TMPRSS5: variants seen among roughly 807,000 people sequenced by gnomAD.
The protein encoded by TMPRSS5 is transmembrane serine protease 5.
TMPRSS5 carries 45 observed loss-of-function variants against 59.7 expected under a neutral mutation model. The ratio of observed to expected loss-of-function variants is 0.75; its 90% CI spans 0.59 to 0.97. TMPRSS5 has a LOEUF of 0.97. Ranked by LOEUF, TMPRSS5 falls within the 50% of genes least tolerant of loss-of-function variation. TMPRSS5 has a pLI of 0.00. For missense variants in TMPRSS5, 585 were observed against 596.7 expected (o/e 0.98, Z 0.20); for synonymous variants, 225 against 232.0 (o/e 0.97, Z 0.27).
chr11:113,690,862 C>T lies in TMPRSS5; in HGVS notation c.1042G>A (p.Gly348Ser). 1.9e-6 allele frequency: 3 copies of T among 1,592,316 alleles called. No homozygotes were observed. Among genetic ancestry groups the T allele is most frequent in the Non-Finnish European group, 2.6e-6 (3 of 1,170,392 alleles). Reference sequence around the variant, plus strand: ...TCACTATGGCTAGGGTGGGTGTGGCCCCAGCCAGACACCCAGCACCGCGAG... The same window carrying T: ...TCACTATGGCTAGGGTGGGTGTGGCTCCAGCCAGACACCCAGCACCGCGAG... ...KGSRCWVSGW[G>S]HTHPSHTYSS... The change falls in exon 10 of 13, where the codon GGC becomes AGC. Residue 348 changes from glycine to serine, a missense_variant. Transcript: ENST00000299882.
chr11:113,699,272 C>CCCCCCCCCTCTCTCTCTCCCT (rs1565263847), intron 3 of TMPRSS5, among the ~76,000 whole-genome samples: 2 of 24,058 alleles, frequency 8.3e-5, no homozygotes, highest in African/African-American at 2.0e-4. Context: ...TCTCTCTCTC[C>CCCCCCCCCTCTCTCTCTCCCT]CTCTCTCTCT....
intron 4 of TMPRSS5, among the ~76,000 whole-genome samples, chr11:113,698,124 C>T (rs1952981445): frequency 6.6e-6 from 1 of 152,156 alleles, no homozygotes; most frequent in Admixed American, 6.5e-5. Context: ...CATCTACAAT[C>T]CAGGAAAAGA....
chr11:113,700,716 G>T (rs1197446479), intron 1 of TMPRSS5, among the ~76,000 whole-genome samples: 1 of 152,180 alleles, frequency 6.6e-6, no homozygotes, highest in Non-Finnish European at 1.5e-5. Context: ...CCTGTAGTCT[G>T]GTCCTGAAGA....
intron 4 of TMPRSS5, among the ~76,000 whole-genome samples, chr11:113,698,021 G>C (rs1952978703): frequency 6.6e-6 from 1 of 152,136 alleles, no homozygotes; most frequent in African/African-American, 2.4e-5. Flanking sequence ...AATAGAGCCA[G>C]TGTCCTTATA....
Position 113,688,274 on chromosome 11 carries a change from C to A in TMPRSS5, c.1360G>T (p.Asp454Tyr). 1 of 1,577,526 alleles carries A rather than the reference C, an allele frequency of 6.3e-7. No homozygotes were observed. Among genetic ancestry groups the A allele is most frequent in the East Asian group, 2.3e-5 (1 of 43,004 alleles). Residue 454 changes from aspartate to tyrosine, a missense_variant and splice_region_variant, in exon 13 of 13, where the codon GAC (aspartate) becomes TAC (tyrosine). By Grantham distance (160) the Asp-to-Tyr change is radical. Coordinates refer to ENST00000299882, the MANE Select transcript of TMPRSS5 (RefSeq NM_030770.4). ...AACAGCAGGACTCAGAGGAGGGAGT[C>A]CTAGACCAAAAGGGAAAGGAACTGA... ...FLDWIHDTAQ[D>Y]SLL
intron 6 of TMPRSS5, among the ~76,000 whole-genome samples, chr11:113,696,298 G>A (rs1565260627): frequency 6.6e-6 from 1 of 152,152 alleles, no homozygotes; most frequent in African/African-American, 2.4e-5. Context: ...GACCCTCTCC[G>A]CTTGTGCCCC....
At chr11:113,701,461 C>T (rs1224530726) in intron 1 of TMPRSS5, among the ~76,000 whole-genome samples, 1 of 147,238 alleles carries the variant, frequency 6.8e-6, no homozygotes, top group Non-Finnish European at 1.5e-5. Flanking sequence ...CCCTAGAGAT[C>T]TGTGGAACTT....
chr11:113,694,361 C>G, intron 8 of TMPRSS5, 117 bp downstream of exon 8: 1 of 1,091,338 alleles, frequency 9.2e-7, no homozygotes, highest in Non-Finnish European at 1.3e-6. Context: ...CCAGTCTTAC[C>G]CTTTTGGAGC....
chr11:113,689,851 A>T lies in TMPRSS5; in HGVS notation c.1273T>A (p.Trp425Arg), dbSNP rs1332568425. ...TTGGGCTCTGCGCAGCCACGCCCCC[A>T]GCTGACCACCCCCACTAGGCGCCAT... ...DTWRLVGVVS[W>R]GRGCAEPNHP... The change falls in exon 12 of 13, where the codon TGG (tryptophan) becomes AGG (arginine). Residue 425 changes from tryptophan (W) to arginine (R), a missense_variant. Physicochemically the swap from Trp to Arg is moderately radical, Grantham distance 101 (BLOSUM62 -3). Coordinates refer to ENST00000299882, the MANE Select transcript of TMPRSS5 (RefSeq NM_030770.4). 6.3e-7 allele frequency: 1 copy of T among 1,589,474 alleles called. No homozygotes were observed. The highest frequency in any genetic ancestry group is 8.6e-7 in the Non-Finnish European group (1 of 1,168,202).
At chr11:113,693,321 G>C in intron 8 of TMPRSS5, 72 bp from the exon 9 acceptor site, 1 of 1,429,928 alleles carries the variant, frequency 7.0e-7, no homozygotes. Flanking sequence ...GTAGCAGGTG[G>C]AGGAAGCTGG....
intron 1 of TMPRSS5, among the ~76,000 whole-genome samples, chr11:113,701,493 G>GGA (rs1421958470): frequency 6.6e-6 from 1 of 151,398 alleles, no homozygotes; most frequent in African/African-American, 2.4e-5. Context: ...TTTTGGCGGG[G>GGA]GGGGGTGTTT....
In TMPRSS5 at chr11:113,695,406, A is replaced by T. The variant is rs376152884; in HGVS notation, c.616T>A (p.Cys206Ser). The T allele has an allele frequency of 2.5e-6, 4 of 1,613,856 alleles. No individual in the cohort carries two copies. Among genetic ancestry groups the T allele is most frequent in the African/African-American group, 1.3e-5 (1 of 74,928 alleles). The change falls in exon 7 of 13, where the codon TGC becomes AGC. Residue 206 changes from cysteine (C) to serine (S), a missense_variant. By Grantham distance (112) the Cys-to-Ser change is moderately radical. Coordinates refer to ENST00000299882, the MANE Select transcript of TMPRSS5 (RefSeq NM_030770.4). ...AGACCAAGATATGACTCACCAGAGC[A>T]TCTGAGGGAAACAACTTGACCAGAA... ...CTSGQVVSLR[C>S]SECGARPLAS...
intron 10 of TMPRSS5, 73 bp downstream of exon 10, chr11:113,690,767 TG>T: frequency 1.5e-6 from 2 of 1,348,600 alleles, no homozygotes; most frequent in Non-Finnish European, 1.0e-6. Context: ...CCAGGGGATG[TG>T]GCCTTGCCTC....
At chr11:113,699,223 C>G (rs916899477) in intron 3 of TMPRSS5, among the ~76,000 whole-genome samples, 196 bp from the exon 4 acceptor site, 21 of 39,218 alleles carry the variant, frequency 5.4e-4, no homozygotes, top group African/African-American at 2.7e-3. Context: ...CTCTCTCTCT[C>G]TCTCTCTCTC....
chr11:113,689,839 A>G lies in TMPRSS5; in HGVS notation c.1285T>C (p.Cys429Arg), dbSNP rs1021518422. The change falls in exon 12 of 13, where the codon TGC (cysteine) becomes CGC (arginine). Residue 429 changes from cysteine (C) to arginine (R), a missense_variant. Cys to Arg is a radical substitution (Grantham distance 180). Transcript: ENST00000299882. ...LVGVVSWGRG[C>R]AEPNHPGVYA... ...ACACCTGGGTGATTGGGCTCTGCGC[A>G]GCCACGCCCCCAGCTGACCACCCCC... is the stretch of plus-strand genomic sequence containing the variant. The G allele has an allele frequency of 3.8e-6, 6 of 1,596,706 alleles. No individual in the cohort carries two copies. The highest frequency in any genetic ancestry group is 5.1e-6 in the Non-Finnish European group (6 of 1,171,798).
chr11:113,693,273 C>T (rs755406750), intron 8 of TMPRSS5, 24 bp from the exon 9 acceptor site: 63 of 1,512,172 alleles, frequency 4.2e-5, no homozygotes, highest in Non-Finnish European at 5.1e-5. Flanking sequence ...CCATGCTGAG[C>T]GGGGAAGGAA....
At chr11:113,697,251 C>T (rs201258053) in intron 5 of TMPRSS5, 32 bp downstream of exon 5, 7 of 1,593,018 alleles carry the variant, frequency 4.4e-6, no homozygotes, top group Non-Finnish European at 6.0e-6. Context: ...CAGGCCTCCC[C>T]CTTCACAGGA....
rs536521016 is a variant in TMPRSS5 at position 113,693,107 on chromosome 11, C to A, written c.928G>T (p.Ala310Ser). 6.3e-7 allele frequency: 1 copy of A among 1,584,766 alleles called. No homozygotes were observed. The highest frequency in any genetic ancestry group is 1.8e-5 in the Admixed American group (1 of 55,726). ...YSAQNHDYDV[A>S]LLRLQTALNF... ...AGAGCGGTCTGGAGCCTCAGGAGGG[C>A]GACGTCGTAGTCATGATTCTGGGCA... The change falls in exon 9 of 13, where the codon GCC becomes TCC. Residue 310 changes from alanine to serine, a missense_variant. Physicochemically the swap from Ala to Ser is moderately conservative, Grantham distance 99 (BLOSUM62 1). Transcript: ENST00000299882.
chr11:113,688,339 T>C (rs1952663507), intron 12 of TMPRSS5, 65 bp from the exon 13 acceptor site: 1 of 1,153,252 alleles, frequency 8.7e-7, no homozygotes, highest in African/African-American at 1.5e-5. Flanking sequence ...GACTTTTATT[T>C]TAGTAAATCA....
Sources: gnomAD v4.1 joint callset for allele counts (sites outside exome capture counted in the v4.1 genomes callset) on GRCh38, gnomAD v4.1.1 for gene constraint, MANE v1.5 for transcripts, NCBI Gene and HGNC (gene_info 2026-07-23, HGNC 2026-07-21) for gene names.